Variants in CDH4 observed in about 807,000 individuals in gnomAD.
CDH4 encodes cadherin 4.
Under a neutral mutation model 86.0 loss-of-function variants are expected in CDH4, and 33 were observed. The ratio of observed to expected loss-of-function variants is 0.38; its 90% CI spans 0.29 to 0.51. The LOEUF is 0.51. Among genes scored for constraint, CDH4 ranks in the 20% least tolerant of loss-of-function variants. The pLI is 0.86. For missense variants in CDH4, 1,114 were observed against 1,307.4 expected (o/e 0.85, Z 2.28); for synonymous variants, 555 against 549.4 (o/e 1.01, Z -0.14).
intron 2 of CDH4, among the ~76,000 whole-genome samples, chr20:61,441,940 C>T (rs551801057): frequency 4.6e-5 from 7 of 152,240 alleles, no homozygotes; most frequent in African/African-American, 1.7e-4. Context: ...CAGGACATAG[C>T]TTCAGAAAAA....
At chr20:61,471,353 G>T (rs946375680) in intron 2 of CDH4, among the ~76,000 whole-genome samples, 1 of 151,804 alleles carries the variant, frequency 6.6e-6, no homozygotes, top group Non-Finnish European at 1.5e-5. Flanking sequence ...TTGCGTTTCT[G>T]TGTTATCAGT....
At chr20:61,850,048 C>T (rs1014184992) in intron 5 of CDH4, among the ~76,000 whole-genome samples, 1 of 152,228 alleles carries the variant, frequency 6.6e-6, no homozygotes, top group Non-Finnish European at 1.5e-5. Flanking sequence ...TGACACGTGT[C>T]ACCCTAAAGC....
intron 2 of CDH4, among the ~76,000 whole-genome samples, chr20:61,487,310 G>A (rs1218448203): frequency 1.3e-5 from 2 of 152,184 alleles, no homozygotes; most frequent in Non-Finnish European, 2.9e-5. Flanking sequence ...GAAGTGGGAG[G>A]CCTGAGAGTG....
At chr20:61,766,982 A>G (rs1407180072) in intron 3 of CDH4, among the ~76,000 whole-genome samples, 3 of 152,238 alleles carry the variant, frequency 2.0e-5, no homozygotes, top group East Asian at 1.9e-4. Flanking sequence ...GGGCCCATCA[A>G]GATGGTGGGC....
At chr20:61,772,626 C>T (rs1351288156) in intron 3 of CDH4, among the ~76,000 whole-genome samples, 1 of 152,122 alleles carries the variant, frequency 6.6e-6, no homozygotes, top group East Asian at 1.9e-4. Flanking sequence ...TTTTCATAAA[C>T]AGGAGTTTTG....
At chr20:61,326,539 G>A (rs1219894001) in intron 2 of CDH4, among the ~76,000 whole-genome samples, 12 of 152,186 alleles carry the variant, frequency 7.9e-5, no homozygotes, top group Admixed American at 7.9e-4. Context: ...AAAATATTCA[G>A]TAAAAGAAAA....
At chr20:61,918,959 C>T (rs1460422376) in intron 9 of CDH4, among the ~76,000 whole-genome samples, 1 of 152,224 alleles carries the variant, frequency 6.6e-6, no homozygotes, top group African/African-American at 2.4e-5. Flanking sequence ...CAGCCTTGAC[C>T]TCCCAGGCTC....
chr20:61,797,856 G>A (rs1162314535), intron 4 of CDH4, among the ~76,000 whole-genome samples: 6 of 152,186 alleles, frequency 3.9e-5, no homozygotes, highest in Admixed American at 2.0e-4. Flanking sequence ...AAGCCCAGGC[G>A]GAGAGATCGG....
chr20:61,315,847 G>T (rs1291969864), intron 2 of CDH4, among the ~76,000 whole-genome samples: 1 of 152,186 alleles, frequency 6.6e-6, no homozygotes, highest in East Asian at 1.9e-4. Context: ...AGGACTACAG[G>T]TGTACACCAC....
chr20:61,870,348 G>C (rs187590238), intron 6 of CDH4, among the ~76,000 whole-genome samples: 1,705 of 152,328 alleles, frequency 0.011, 20 homozygotes, highest in Middle Eastern at 0.031. Flanking sequence ...GTAGGGGCTG[G>C]GGCAGGGTGA....
intron 2 of CDH4, among the ~76,000 whole-genome samples, chr20:61,311,497 A>T (rs983231234): frequency 1.3e-5 from 2 of 152,234 alleles, no homozygotes; most frequent in Non-Finnish European, 2.9e-5. Context: ...AAAACAGCAA[A>T]ATTACAGAAC....
intron 2 of CDH4, among the ~76,000 whole-genome samples, chr20:61,529,653 T>TG (rs1183812716): frequency 6.6e-6 from 1 of 152,132 alleles, no homozygotes; most frequent in African/African-American, 2.4e-5. Context: ...TGTTGAAACA[T>TG]GGGGAGAGGC....
At chr20:61,339,072 T>C (rs2084635366) in intron 2 of CDH4, among the ~76,000 whole-genome samples, 1 of 152,204 alleles carries the variant, frequency 6.6e-6, no homozygotes, top group Non-Finnish European at 1.5e-5. Flanking sequence ...CCCCCATATA[T>C]TCATGTTCTC....
chr20:61,697,097 A>G (rs2087722400), intron 2 of CDH4, among the ~76,000 whole-genome samples: 1 of 152,160 alleles, frequency 6.6e-6, no homozygotes. Context: ...TGAAATCAAG[A>G]ATGTGTTGCA....
chr20:61,630,232 G>C (rs1266687971), intron 2 of CDH4, among the ~76,000 whole-genome samples: 21 of 152,192 alleles, frequency 1.4e-4, no homozygotes, highest in Admixed American at 1.4e-3. Flanking sequence ...TGTGTGCAGC[G>C]CATGTTGCAT....
intron 2 of CDH4, among the ~76,000 whole-genome samples, chr20:61,742,264 T>C (rs970340779): frequency 1.6e-4 from 24 of 152,216 alleles, no homozygotes; most frequent in African/African-American, 4.6e-4. Flanking sequence ...TTCATTGCTC[T>C]GTTGAACCAG....
intron 7 of CDH4, among the ~76,000 whole-genome samples, chr20:61,878,863 CG>C (rs1430754928): frequency 6.6e-5 from 10 of 152,118 alleles, no homozygotes; most frequent in African/African-American, 2.4e-4. Flanking sequence ...AAAGACTCGG[CG>C]GGGGTGTGCC....
intron 4 of CDH4, among the ~76,000 whole-genome samples, chr20:61,817,650 G>T (rs987547387): frequency 7.9e-5 from 12 of 152,144 alleles, no homozygotes; most frequent in Admixed American, 3.9e-4. Context: ...GTGCCCCGAG[G>T]TCACAGGTGT....
chr20:61,890,259 G>A (rs1419893035), intron 7 of CDH4, among the ~76,000 whole-genome samples: 1 of 151,746 alleles, frequency 6.6e-6, no homozygotes, highest in Non-Finnish European at 1.5e-5. Context: ...ATGCATAGAT[G>A]GATAATGGAT....
Sources: gnomAD v4.1 joint callset for allele counts (sites outside exome capture counted in the v4.1 genomes callset) on GRCh38, gnomAD v4.1.1 for gene constraint, MANE v1.5 for transcripts, NCBI Gene and HGNC (gene_info 2026-07-23, HGNC 2026-07-21) for gene names.